CEP63: variants seen among roughly 807,000 people sequenced by gnomAD.
CEP63 encodes the protein centrosomal protein of 63 kDa.
CEP63 carries 84 observed loss-of-function variants against 89.1 expected under a neutral mutation model. The ratio of observed to expected loss-of-function variants is 0.94; its 90% CI spans 0.79 to 1.13. CEP63 has a LOEUF of 1.13. Ranked by LOEUF, CEP63 falls within the 50% of genes most tolerant of loss-of-function variation. CEP63 has a pLI of 0.00. For synonymous variants in CEP63, 267 were observed against 272.5 expected (o/e 0.98, Z 0.20); for missense variants, 838 against 813.3 (o/e 1.03, Z -0.37).
chr3:134,756,265 C>A, the CEP63 span, among the ~76,000 whole-genome samples: 29 of 152,148 alleles, frequency 1.9e-4, no homozygotes, highest in Non-Finnish European at 2.6e-4. Flanking sequence ...CCCGAAGGGA[C>A]TCCCCATAGA....
chr3:134,709,467 T>C, the CEP63 span, among the ~76,000 whole-genome samples: 4 of 122,644 alleles, frequency 3.3e-5, no homozygotes, highest in African/African-American at 1.3e-4. Flanking sequence ...GAGACACATC[T>C]GAGGACTCCC....
At chr3:134,668,425 G>C in the CEP63 span, among the ~76,000 whole-genome samples, 2 of 152,188 alleles carry the variant, frequency 1.3e-5, no homozygotes, top group African/African-American at 4.8e-5. Context: ...TGAAGAGGAA[G>C]CTGAGGATAG....
chr3:134,651,142 G>GC, the CEP63 span: 1 of 1,467,144 alleles, frequency 6.8e-7, no homozygotes, highest in Admixed American at 2.3e-5. Context: ...CGCCATTAGG[G>GC]CCCGCCTGGG....
rs1474128028 is a variant in CEP63, at chr3:134,561,891, A to G, written c.*356A>G. ...TACATGTTGAAAATAAAGTAACTGC[A>G]GGAACTTTCTTTAGGGGAAATGTGT... is the stretch of plus-strand genomic sequence containing the variant. On this transcript the variant is annotated 3_prime_UTR_variant, in exon 15 of 15. Transcript: ENST00000675561. The G allele has an allele frequency of 1.9e-6, 2 of 1,067,502 alleles. No individual in the cohort carries two copies. Among genetic ancestry groups the G allele is most frequent in the East Asian group, 8.2e-5 (1 of 12,254 alleles). 66.1% of individuals were successfully genotyped at this position (1,067,502 alleles called of 1,614,324 possible).
intron 3 of CEP63, among the ~76,000 whole-genome samples, chr3:134,519,555 C>A (rs1387421181): frequency 6.6e-6 from 1 of 152,038 alleles, no homozygotes; most frequent in African/African-American, 2.4e-5. Context: ...ATAAAATATT[C>A]CAGAGAACAG....
the CEP63 span, among the ~76,000 whole-genome samples, chr3:134,699,667 G>A: frequency 2.0e-4 from 31 of 152,220 alleles, no homozygotes; most frequent in Middle Eastern, 3.4e-3. Context: ...CTCTGACCTG[G>A]TCCCTCCTGT....
chr3:134,531,905 G>C lies in CEP63; in HGVS notation c.283G>C (p.Glu95Gln), dbSNP rs1949921725. 6.2e-7 allele frequency: 1 copy of C among 1,613,402 alleles called. No homozygotes were observed. Among genetic ancestry groups the C allele is most frequent in the Non-Finnish European group, 8.5e-7 (1 of 1,179,528 alleles). The change falls in exon 4 of 15, where the codon GAA becomes CAA. Residue 95 changes from glutamate (E) to glutamine (Q), a missense_variant. By Grantham distance (29) the Glu-to-Gln change is conservative. Transcript: ENST00000675561. Reference protein sequence around the residue: ...HEKIKQEMTMEYKQELKKLHE... With the variant: ...HEKIKQEMTMQYKQELKKLHE... ...AAAAATCAAGCAAGAGATGACCATG[G>C]AATATAAGCAGGAGTTGAAGAAACT...
chr3:134,609,820 G>T, the CEP63 span, among the ~76,000 whole-genome samples: 1 of 152,204 alleles, frequency 6.6e-6, no homozygotes, highest in Admixed American at 6.5e-5. Flanking sequence ...GATCATTCTG[G>T]CATTTGTGCC....
chr3:134,693,557 T>C, the CEP63 span, among the ~76,000 whole-genome samples: 7 of 152,384 alleles, frequency 4.6e-5, no homozygotes, highest in South Asian at 1.4e-3. Flanking sequence ...CTTCATTGGA[T>C]AGAAAGATTC....
At chr3:134,611,240 G>C in the CEP63 span, among the ~76,000 whole-genome samples, 1 of 152,226 alleles carries the variant, frequency 6.6e-6, no homozygotes, top group Non-Finnish European at 1.5e-5. Flanking sequence ...AGCTGGCACT[G>C]CTTTCTGGGA....
chr3:134,602,412 G>T, the CEP63 span, among the ~76,000 whole-genome samples: 6 of 152,300 alleles, frequency 3.9e-5, no homozygotes, highest in Admixed American at 3.3e-4. Flanking sequence ...ACTGGAGGGG[G>T]CTGTCTTCTC....
rs1157963866 is a variant in CEP63, at chr3:134,486,183, G to C, written c.-45G>C. The C allele has an allele frequency of 2.0e-6, 2 of 985,472 alleles. No homozygotes were observed. Among genetic ancestry groups the C allele is most frequent in the Admixed American group, 1.2e-4 (2 of 16,276 alleles). The allele number at this position is 985,472 out of a possible 1,614,324, so 61.0% of individuals were successfully genotyped here. A position where few individuals can be genotyped will look rare whatever the true frequency, so the allele number is the denominator to read the frequency against. On this transcript the variant is annotated 5_prime_UTR_variant, in exon 1 of 15. Coordinates refer to ENST00000675561, the MANE Select transcript of CEP63 (RefSeq NM_001353108.3). ...GGACGTAAGCTTAGCGGTGGCGCGC[G>C]TGCGCAGCGCCGGCCCGAGGTAACG...
the CEP63 span, among the ~76,000 whole-genome samples, chr3:134,743,895 T>G: frequency 6.6e-6 from 1 of 152,150 alleles, no homozygotes; most frequent in African/African-American, 2.4e-5. Context: ...TCCCTGCAAT[T>G]TACAACGTTG....
chr3:134,508,739 G>A (rs1345319239), intron 3 of CEP63, among the ~76,000 whole-genome samples: 2 of 152,136 alleles, frequency 1.3e-5, no homozygotes, highest in Admixed American at 1.3e-4. Flanking sequence ...AGAGATTTAA[G>A]GGATTAAATG....
the CEP63 span, among the ~76,000 whole-genome samples, chr3:134,614,546 A>C: frequency 6.6e-6 from 1 of 151,922 alleles, no homozygotes. Flanking sequence ...ATGGCCACCA[A>C]ATGTGGCCTG....
the CEP63 span, among the ~76,000 whole-genome samples, chr3:134,771,797 TA>T: frequency 6.6e-6 from 1 of 151,928 alleles, no homozygotes; most frequent in Non-Finnish European, 1.5e-5. Flanking sequence ...ATATTTTTTT[TA>T]AAAAAGGAAA....
At chr3:134,629,035 A>G in the CEP63 span, among the ~76,000 whole-genome samples, 2 of 152,322 alleles carry the variant, frequency 1.3e-5, no homozygotes, top group African/African-American at 2.4e-5. Context: ...CATAAGGTGC[A>G]CAGATGCAGG....
At chr3:134,535,019 G>A (rs1190143171) in intron 5 of CEP63, among the ~76,000 whole-genome samples, 1 of 152,014 alleles carries the variant, frequency 6.6e-6, no homozygotes, top group East Asian at 1.9e-4. Flanking sequence ...CATTACCTTA[G>A]CAGTTCACCT....
the CEP63 span, chr3:134,608,907 C>G: frequency 1.3e-6 from 2 of 1,528,412 alleles, no homozygotes; most frequent in African/African-American, 2.7e-5. Flanking sequence ...ATACACCCAC[C>G]GGAGTGGTCC....
Sources: allele counts gnomAD v4.1 joint callset (sites outside exome capture counted in the v4.1 genomes callset), GRCh38; gene constraint gnomAD v4.1.1; transcripts MANE v1.5; gene names NCBI Gene and HGNC (gene_info 2026-07-23, HGNC 2026-07-21).